The following DHX57 variants were observed in gnomAD, a reference collection of about 807,000 sequenced individuals.
DHX57 encodes the protein putative ATP-dependent RNA helicase DHX57.
In DHX57, 105 loss-of-function variants were observed where a neutral mutation model predicts 156.2. That is an observed-to-expected ratio of 0.67 (90% CI 0.57 to 0.79). The LOEUF (loss-of-function observed/expected upper bound fraction) is 0.79. Ranked by LOEUF, DHX57 falls within the 30% of genes least tolerant of loss-of-function variation. The probability of loss-of-function intolerance (pLI) is 0.00; values close to 1 mark genes in which losing one functional copy is unlikely to be tolerated. For missense variants in DHX57, 1,847 were observed against 1,661.9 expected (o/e 1.11, Z -1.94); for synonymous variants, 704 against 595.6 (o/e 1.18, Z -2.65).
intron 13 of DHX57, among the ~76,000 whole-genome samples, chr2:38,830,996 A>G (rs1671351294): frequency 6.6e-6 from 1 of 152,086 alleles, no homozygotes; most frequent in Non-Finnish European, 1.5e-5. Context: ...TTAAGCCAGG[A>G]AGTTGGGGCT....
intron 13 of DHX57, among the ~76,000 whole-genome samples, chr2:38,836,125 A>AT (rs1671643116): frequency 6.6e-6 from 1 of 152,260 alleles, no homozygotes; most frequent in Admixed American, 6.5e-5. Context: ...GACGTGGACC[A>AT]TTCTATGATA....
chr2:38,814,600 GT>G (rs1670431195), intron 20 of DHX57, among the ~76,000 whole-genome samples: 1 of 152,100 alleles, frequency 6.6e-6, no homozygotes, highest in Non-Finnish European at 1.5e-5. Flanking sequence ...GCTGTCTTTT[GT>G]TAGAAAAAAT....
chr2:38,843,058 T>C lies in DHX57; in HGVS notation c.2372A>G (p.Asp791Gly). The C allele has an allele frequency of 6.2e-7, 1 of 1,614,224 alleles. No individual in the cohort carries two copies. The highest frequency in any genetic ancestry group is 8.5e-7 in the Non-Finnish European group (1 of 1,180,022). Residue 791 changes from aspartate (D) to glycine (G), a missense_variant, in exon 12 of 24, where the codon GAT (aspartate) becomes GGT (glycine). Coordinates refer to ENST00000457308, the MANE Select transcript of DHX57 (RefSeq NM_198963.3). ...LHLQDQDSVK[D>G]AVPDQQLDFK... ...ATCTAACTGTTGATCTGGCACTGCA[T>C]CTTTGACAGAATCCTGATCCTGGAG... is the stretch of plus-strand genomic sequence containing the variant.
At chr2:38,860,764 G>A (rs566122578) in intron 5 of DHX57, among the ~76,000 whole-genome samples, 2 of 152,134 alleles carry the variant, frequency 1.3e-5, no homozygotes, top group Admixed American at 6.5e-5. Flanking sequence ...TTAAACATAC[G>A]TCACTACAAA....
chr2:38,847,212 G>C (rs1672334014), intron 10 of DHX57, 139 bp from the exon 11 acceptor site: 1 of 667,390 alleles, frequency 1.5e-6, no homozygotes, highest in Admixed American at 3.2e-5. Context: ...GTATCAAGAA[G>C]AAAAGTTCTG....
At chr2:38,808,561 T>C (rs1347676307) in intron 21 of DHX57, among the ~76,000 whole-genome samples, 2 of 152,162 alleles carry the variant, frequency 1.3e-5, no homozygotes, top group Non-Finnish European at 2.9e-5. Context: ...AAATTTAGAT[T>C]GTCTGCAAAT....
chr2:38,868,837 G>C (rs1412223683), intron 1 of DHX57, among the ~76,000 whole-genome samples: 1 of 151,980 alleles, frequency 6.6e-6, no homozygotes, highest in East Asian at 1.9e-4. Context: ...TTTAGAGATG[G>C]AGTCTTGCTC....
intron 2 of DHX57, among the ~76,000 whole-genome samples, chr2:38,866,733 T>A (rs1265618085): frequency 6.6e-6 from 1 of 152,202 alleles, no homozygotes; most frequent in Admixed American, 6.5e-5. Context: ...AATGTCCATG[T>A]TTTGAAAAAC....
chr2:38,856,379 A>G lies in DHX57; in HGVS notation c.1670T>C (p.Leu557Ser). 1 of 1,613,924 alleles carries G rather than the reference A, an allele frequency of 6.2e-7. No individual in the cohort carries two copies. The highest frequency in any genetic ancestry group is 8.5e-7 in the Non-Finnish European group (1 of 1,179,980). The change falls in exon 7 of 24, where the codon TTG (leucine) becomes TCG (serine). Residue 557 changes from leucine (L) to serine (S), a missense_variant. Physicochemically the swap from Leu to Ser is moderately radical, Grantham distance 145 (BLOSUM62 -2). Coordinates refer to ENST00000457308, the MANE Select transcript of DHX57 (RefSeq NM_198963.3). ...WEERETILNL[L>S]RKHQVVVISG... is the part of the protein sequence containing the mutation. The stretch of plus-strand genomic sequence containing the variant: ...TATGACAACCACCTGGTGCTTACGC[A>G]ATAAGTTAAGAATGGTTTCTCTTTC...
At chr2:38,835,145 T>C (rs919655137) in intron 13 of DHX57, among the ~76,000 whole-genome samples, 1 of 152,086 alleles carries the variant, frequency 6.6e-6, no homozygotes, top group Non-Finnish European at 1.5e-5. Flanking sequence ...AAGAAAATCA[T>C]TGAGGAGAAA....
intron 13 of DHX57, among the ~76,000 whole-genome samples, chr2:38,836,500 G>A (rs1671663958): frequency 6.6e-6 from 1 of 152,176 alleles, no homozygotes; most frequent in Non-Finnish European, 1.5e-5. Flanking sequence ...TACACCAGGT[G>A]CAGTGGCTCA....
Position 38,825,857 on chromosome 2 carries a change from G to A in DHX57, c.3004C>T (p.Leu1002=), listed in dbSNP as rs531043285. Residue 1002 remains leucine, a synonymous_variant, in exon 16 of 24, where the codon CTG becomes TTG. Coordinates refer to ENST00000457308, the MANE Select transcript of DHX57 (RefSeq NM_198963.3). ...AAAACCAGATGTCACCTTAGACACA[G>A]CTGTTCCAATGGCACTCTTTGTATT... ...PEIQRVPLEQ[L]CLRIKILEMF... The A allele has an allele frequency of 3.7e-6, 6 of 1,614,146 alleles. No individual in the cohort carries two copies. In the South Asian group the frequency reaches 6.6e-5, roughly 18 times the overall value.
At chr2:38,812,511 G>A (rs1670301383) in intron 21 of DHX57, among the ~76,000 whole-genome samples, 1 of 152,206 alleles carries the variant, frequency 6.6e-6, no homozygotes, top group Non-Finnish European at 1.5e-5. Flanking sequence ...GCTGGCCACA[G>A]GTGGTCTTAT....
Position 38,798,255 on chromosome 2 carries a change from G to A in DHX57, c.*44C>T, listed in dbSNP as rs184277708. 1.1e-5 allele frequency: 18 copies of A among 1,577,128 alleles called. No homozygotes were observed. In the Admixed American group the frequency reaches 2.1e-4, roughly 18 times the overall value. On this transcript the variant is annotated 3_prime_UTR_variant, in exon 24 of 24. Coordinates refer to ENST00000457308, the MANE Select transcript of DHX57 (RefSeq NM_198963.3). ...GAGGTTCTGCTGTTATTTCCCAGGT[G>A]AGCTAGAAGCAGGTGAGTAGCAAGC...
In DHX57 at chr2:38,798,080, C is replaced by G. The variant is rs561294964; in HGVS notation, c.*219G>C. 3 of 453,410 alleles carry G rather than the reference C, an allele frequency of 6.6e-6. No homozygotes were observed. The highest frequency in any genetic ancestry group is 3.9e-5 in the African/African-American group (2 of 50,634). 28.1% of individuals were successfully genotyped at this position (453,410 alleles called of 1,614,324 possible). On this transcript the variant is annotated 3_prime_UTR_variant, in exon 24 of 24. Coordinates refer to ENST00000457308, the MANE Select transcript of DHX57 (RefSeq NM_198963.3). ...AGACAGGCAAGCTGGGTTTTAGGCT[C>G]TCACCCTTGACACTCCAAATTGTGC...
intron 12 of DHX57, among the ~76,000 whole-genome samples, chr2:38,841,926 C>T (rs1672029424): frequency 1.3e-5 from 2 of 152,042 alleles, no homozygotes; most frequent in African/African-American, 4.8e-5. Flanking sequence ...TTTTAAAAGC[C>T]CACGAATAAT....
At chr2:38,858,192 G>C (rs970319779) in intron 6 of DHX57, among the ~76,000 whole-genome samples, 1 of 152,162 alleles carries the variant, frequency 6.6e-6, no homozygotes, top group Non-Finnish European at 1.5e-5. Context: ...CTCCCAAGTG[G>C]CTGGGATTAC....
At chr2:38,808,736 C>G (rs1401464634) in intron 21 of DHX57, among the ~76,000 whole-genome samples, 1 of 152,126 alleles carries the variant, frequency 6.6e-6, no homozygotes, top group Admixed American at 6.6e-5. Flanking sequence ...CATGACAGCA[C>G]CAGCATTATA....
intron 21 of DHX57, among the ~76,000 whole-genome samples, chr2:38,807,719 C>T (rs1428084953): frequency 6.6e-6 from 1 of 151,804 alleles, no homozygotes; most frequent in Non-Finnish European, 1.5e-5. Flanking sequence ...GCAATCTCGG[C>T]TCACTGCAAC....
Sources: allele counts gnomAD v4.1 joint callset (sites outside exome capture counted in the v4.1 genomes callset), GRCh38; gene constraint gnomAD v4.1.1; transcripts MANE v1.5; gene names NCBI Gene and HGNC (gene_info 2026-07-23, HGNC 2026-07-21).